The following FRA10AC1 variants were observed in gnomAD, a reference collection of about 807,000 sequenced individuals.
FRA10AC1 encodes FRA10A associated CGG repeat 1, also known as protein FRA10AC1.
In FRA10AC1, 43 loss-of-function variants were observed where a neutral mutation model predicts 56.5. The ratio of observed to expected loss-of-function variants is 0.76; its 90% CI spans 0.60 to 0.98. FRA10AC1 has a LOEUF of 0.98. Ranked by LOEUF, FRA10AC1 falls within the 50% of genes least tolerant of loss-of-function variation. The probability of loss-of-function intolerance (pLI) is 0.00; values close to 1 mark genes in which losing one functional copy is unlikely to be tolerated. For synonymous variants in FRA10AC1, 112 were observed against 110.5 expected (o/e 1.01, Z -0.09); for missense variants, 346 against 351.8 (o/e 0.98, Z 0.13).
In FRA10AC1 at chr10:93,692,067, T is replaced by C. The variant is rs2059133097; in HGVS notation, c.407A>G (p.Tyr136Cys). The C allele has an allele frequency of 2.6e-6, 4 of 1,553,196 alleles. No homozygotes were observed. Among genetic ancestry groups the C allele is most frequent in the African/African-American group, 1.4e-5 (1 of 70,714 alleles). ...GCAGTATTCCTTAAATAATTTATCA[T>C]AGTATTTCTTAGCAAGTCTCTTCTC... Reference protein sequence around the residue: ...TWEKRLAKKYYDKLFKEYCIA... With the variant: ...TWEKRLAKKYCDKLFKEYCIA... The change falls in exon 7 of 14, where the codon TAT (tyrosine) becomes TGT (cysteine). Residue 136 changes from tyrosine to cysteine, a missense_variant. Tyr to Cys is a radical substitution (Grantham distance 194). Coordinates refer to ENST00000359204, the MANE Select transcript of FRA10AC1 (RefSeq NM_145246.5).
chr10:93,696,045 C>T (rs970867518), intron 4 of FRA10AC1, among the ~76,000 whole-genome samples: 1 of 152,142 alleles, frequency 6.6e-6, no homozygotes, highest in Non-Finnish European at 1.5e-5. Context: ...CTTTTGCTTC[C>T]GGGAAGATGG....
intron 12 of FRA10AC1, chr10:93,671,989 A>C: frequency 2.3e-6 from 1 of 426,700 alleles, no homozygotes; most frequent in Non-Finnish European, 4.6e-6. Context: ...GTATTAGTCA[A>C]CTAAAAATTT....
At chr10:93,671,142 C>A (rs1192344022) in intron 12 of FRA10AC1, 4 of 283,740 alleles carry the variant, frequency 1.4e-5, no homozygotes, top group African/African-American at 4.4e-5. Context: ...AGTCAATTAT[C>A]TCTTGCAATA....
chr10:93,685,462 C>T (rs934705368), intron 8 of FRA10AC1, 103 bp from the exon 9 acceptor site: 1 of 602,120 alleles, frequency 1.7e-6, no homozygotes, highest in Non-Finnish European at 2.9e-6. Flanking sequence ...TGCAAATTAA[C>T]CATAGTCAGC....
chr10:93,672,959 A>C (rs926794374), intron 12 of FRA10AC1: 1 of 166,566 alleles, frequency 6.0e-6, no homozygotes, highest in African/African-American at 2.4e-5. Context: ...ATCACTGTCA[A>C]ATCTATTCAG....
chr10:93,694,958 G>A (rs1005757131), intron 4 of FRA10AC1, 21 bp from the exon 5 acceptor site: 4 of 1,263,472 alleles, frequency 3.2e-6, no homozygotes, highest in Non-Finnish European at 4.6e-6. Flanking sequence ...AAAAATTAAG[G>A]ATTTTATTCT....
chr10:93,676,682 G>C lies in FRA10AC1; in HGVS notation c.797C>G (p.Ser266Cys). The part of the protein sequence containing the change: ...ASKKKDKGHS[S>C]SKKSEDSLLR... ...TAGAGAATCTTCAGATTTCTTTGAA[G>C]ATGAATGTCCTGAAAAGGAAACATC... Residue 266 changes from serine to cysteine, a missense_variant, in exon 12 of 14, where the codon TCT becomes TGT. By Grantham distance (112) the Ser-to-Cys change is moderately radical. Coordinates refer to ENST00000359204, the MANE Select transcript of FRA10AC1 (RefSeq NM_145246.5). 1.3e-6 allele frequency: 2 copies of C among 1,567,030 alleles called. No homozygotes were observed. Among genetic ancestry groups the C allele is most frequent in the South Asian group, 1.2e-5 (1 of 83,184 alleles).
In FRA10AC1 at chr10:93,669,833, A is replaced by C. The variant is rs891110649; in HGVS notation, c.941T>G (p.Phe314Cys). The change falls in exon 14 of 14, where the codon TTT becomes TGT. Residue 314 changes from phenylalanine to cysteine, a missense_variant. Phe to Cys is a radical substitution (Grantham distance 205, BLOSUM62 -2). Transcript: ENST00000359204. ...AGGCTTCTCTCTCTCGTCTCATAGA[A>C]ACAAATCCTGAAAATACTCATCAAA... is the stretch of plus-strand genomic sequence containing the variant. ...EEFDEYFQDL[F>C]L 1 of 1,583,926 alleles carries C rather than the reference A, an allele frequency of 6.3e-7. No individual in the cohort carries two copies. The highest frequency in any genetic ancestry group is 8.6e-7 in the Non-Finnish European group (1 of 1,159,954).
chr10:93,693,640 CACACCATATATATATACCATATATATAT>C lies in FRA10AC1; in HGVS notation c.297-939_297-912del, dbSNP rs1554896367. Reference sequence around the variant, plus strand: ...TATATATATACACACCATATATATACACACCATATATATATACCATATATATATACACCATATATATATATATATACCA... The same window carrying C: ...TATATATATACACACCATATATATACACACCATATATATATATATATACCA... On this transcript the variant is annotated intron_variant, in intron 5 of 13. Transcript: ENST00000359204. Among the ~76,000 whole-genome samples the C allele has an allele frequency of 2.5e-4, 15 of 58,856 alleles. No homozygotes were observed. The Admixed American group carries it at 3.0e-3, about 12-fold the overall frequency. 38.6% of individuals were successfully genotyped at this position (58,856 alleles called of 152,430 possible). A position where few individuals can be genotyped will look rare whatever the true frequency, so the allele number is the denominator to read the frequency against.
At chr10:93,680,400 A>G (rs945907177) in intron 11 of FRA10AC1, among the ~76,000 whole-genome samples, 3 of 152,192 alleles carry the variant, frequency 2.0e-5, no homozygotes, top group South Asian at 2.1e-4. Context: ...GCAATAAAAT[A>G]ACAATATCTT....
chr10:93,677,654 A>G (rs2058865935), intron 11 of FRA10AC1, among the ~76,000 whole-genome samples: 2 of 152,182 alleles, frequency 1.3e-5, no homozygotes, highest in South Asian at 2.1e-4. Flanking sequence ...TTTATTTTTG[A>G]TAGTAGTGGG....
At chr10:93,696,237 T>A (rs112590271) in intron 4 of FRA10AC1, among the ~76,000 whole-genome samples, 2 of 152,204 alleles carry the variant, frequency 1.3e-5, no homozygotes, top group Non-Finnish European at 2.9e-5. Context: ...TTTTGTCTCA[T>A]GTATCCTAGA....
intron 5 of FRA10AC1, among the ~76,000 whole-genome samples, chr10:93,693,939 A>G (rs570197846): frequency 3.4e-4 from 51 of 151,942 alleles, no homozygotes; most frequent in Non-Finnish European, 6.6e-4. Flanking sequence ...GAAGGCCAGA[A>G]GGGAGGTGAG....
In FRA10AC1 at chr10:93,691,973, T is replaced by TC. The variant is rs777461310; in HGVS notation, c.465+35_465+36insG. The TC allele has an allele frequency of 2.8e-5, 44 of 1,548,006 alleles. 1 individual carries two copies. The highest frequency in any genetic ancestry group is 3.8e-5 in the Non-Finnish European group (43 of 1,143,976). On this transcript the variant is annotated intron_variant, in intron 7 of 13. Transcript: ENST00000359204. ...AATAAAAGTTAATATTTTACTTGAA[T>TC]AAGAACCTCTTTCCATAAATATGTG...
At chr10:93,698,429 T>G (rs775491004) in intron 2 of FRA10AC1, 33 bp from the exon 3 acceptor site, 2 of 1,222,734 alleles carry the variant, frequency 1.6e-6, no homozygotes, top group South Asian at 2.7e-5. Flanking sequence ...AGAGTTCACT[T>G]TTTTCAAAGG....
chr10:93,699,971 T>C, intron 2 of FRA10AC1, 59 bp downstream of exon 2: 2 of 904,390 alleles, frequency 2.2e-6, no homozygotes, highest in South Asian at 1.4e-5. Context: ...TGTTTATTTA[T>C]ACTTCATATT....
At chr10:93,673,556 T>C (rs2058798690) in intron 12 of FRA10AC1, 16 of 357,842 alleles carry the variant, frequency 4.5e-5, no homozygotes, top group South Asian at 3.5e-4. Flanking sequence ...TGGTAACTAA[T>C]AACTTGCACC....
At chr10:93,671,432 A>T (rs1197096334) in intron 12 of FRA10AC1, 2 of 152,892 alleles carry the variant, frequency 1.3e-5, no homozygotes, top group Non-Finnish European at 2.9e-5. Context: ...CTGGAGAAAA[A>T]TCTGGCAATA....
intron 6 of FRA10AC1, 43 bp from the exon 7 acceptor site, chr10:93,692,136 A>T: frequency 1.5e-6 from 2 of 1,365,684 alleles, no homozygotes; most frequent in Middle Eastern, 2.5e-4. Flanking sequence ...TAGAAACTCA[A>T]CCATGGTTTG....
Sources: gnomAD v4.1 joint callset for allele counts (sites outside exome capture counted in the v4.1 genomes callset) on GRCh38, gnomAD v4.1.1 for gene constraint, MANE v1.5 for transcripts, NCBI Gene and HGNC (gene_info 2026-07-23, HGNC 2026-07-21) for gene names.